TEX14: variants seen among roughly 807,000 people sequenced by gnomAD.
TEX14 encodes the protein inactive serine/threonine-protein kinase TEX14.
In TEX14, 168 loss-of-function variants were observed where a neutral mutation model predicts 178.6. That is an observed-to-expected ratio of 0.94 (90% CI 0.83 to 1.07). TEX14 has a LOEUF of 1.07. Among genes scored for constraint, TEX14 ranks in the 50% least tolerant of loss-of-function variants. The probability of loss-of-function intolerance (pLI) is 0.00; values close to 1 mark genes in which losing one functional copy is unlikely to be tolerated. For missense variants in TEX14, 1,730 were observed against 1,753.6 expected (o/e 0.99, Z 0.24); for synonymous variants, 626 against 634.1 (o/e 0.99, Z 0.19).
At chr17:58,656,770 A>G (rs1269854542) in intron 1 of TEX14, among the ~76,000 whole-genome samples, 2 of 151,184 alleles carry the variant, frequency 1.3e-5, no homozygotes, top group East Asian at 3.9e-4. Flanking sequence ...AAAAAAGAAA[A>G]AAATTGGCCA....
chr17:58,606,830 C>G (rs2045618473), intron 10 of TEX14, among the ~76,000 whole-genome samples: 1 of 151,512 alleles, frequency 6.6e-6, no homozygotes, highest in African/African-American at 2.4e-5. Context: ...GAATTCAAGA[C>G]CAGCCTGGCC....
At chr17:58,683,047 T>C (rs552896946) in intron 1 of TEX14, among the ~76,000 whole-genome samples, 320 of 131,058 alleles carry the variant, frequency 2.4e-3, no homozygotes, top group African/African-American at 9.0e-3. Context: ...TGCGAGAGTC[T>C]GTCTCAAAAA....
Position 58,617,577 on chromosome 17 carries a change from G to A in TEX14, c.597C>T (p.Val199=), listed in dbSNP as rs765025410. The A allele has an allele frequency of 5.6e-6, 9 of 1,613,724 alleles. No homozygotes were observed. Among genetic ancestry groups the A allele is most frequent in the Non-Finnish European group, 7.6e-6 (9 of 1,179,886 alleles). Residue 199 remains valine (V), a synonymous_variant, in exon 6 of 32, where the codon GTC becomes GTT. Transcript: ENST00000349033. ...GSPNRLLKAG[V]ISAQNIYSFG... ...AGCTGTAGATATTTTGAGCAGAAAT[G>A]ACTCCAGCTTTAAGCAGTCGGTTAG...
At chr17:58,648,455 A>G (rs1310525705) in intron 2 of TEX14, among the ~76,000 whole-genome samples, 1 of 152,042 alleles carries the variant, frequency 6.6e-6, no homozygotes, top group Non-Finnish European at 1.5e-5. Context: ...CTAGCCTCCT[A>G]TGCTCACCAA....
In TEX14 at chr17:58,661,480, G is replaced by T. The variant is rs147195594; in HGVS notation, c.-1-9478C>A. ...CGAGGCCCTTGAACACCTTTTCCTG[G>T]ACTATTCGGGAACCGGTGGGTTCAG... On this transcript the variant is annotated intron_variant, in intron 1 of 31. Transcript: ENST00000349033. 1.5e-3 allele frequency: 1,136 copies of T among 781,556 alleles called. 3 individuals are homozygous for T. The African/African-American group carries it at 0.017, about 12-fold the overall frequency. 48.4% of individuals were successfully genotyped at this position (781,556 alleles called of 1,614,324 possible).
intron 1 of TEX14, among the ~76,000 whole-genome samples, chr17:58,658,539 GCCA>G (rs954566061): frequency 7.4e-6 from 1 of 134,734 alleles, no homozygotes; most frequent in African/African-American, 2.9e-5. Flanking sequence ...ACAGATGTGC[GCCA>G]CCATGCCTGG....
At position 58,616,198 on chromosome 17, in the gene TEX14, G is replaced by T; in HGVS notation, c.744C>A (p.Ser248Arg). ...ACTTGGTCATGACCATGTAGGGGCC[G>T]CTGAAGAAAGAGAAGGTGGGCTCAT... is the stretch of plus-strand genomic sequence containing the variant. ...ADDEPTFSFF[S>R]GPYMVMTNLV... Residue 248 changes from serine (S) to arginine (R), a missense_variant, in exon 7 of 32, where the codon AGC becomes AGA. Coordinates refer to ENST00000349033, the MANE Select transcript of TEX14 (RefSeq NM_031272.5). The T allele has an allele frequency of 4.3e-6, 7 of 1,613,620 alleles. No homozygotes were observed. The highest frequency in any genetic ancestry group is 1.1e-5 in the South Asian group (1 of 90,998).
chr17:58,668,176 T>C (rs916745263), intron 1 of TEX14, among the ~76,000 whole-genome samples: 1 of 152,206 alleles, frequency 6.6e-6, no homozygotes, highest in Non-Finnish European at 1.5e-5. Context: ...TGTTTCCTCT[T>C]GGTAATTTTC....
intron 1 of TEX14, among the ~76,000 whole-genome samples, chr17:58,691,708 T>C (rs936176422): frequency 1.3e-5 from 2 of 148,198 alleles, no homozygotes; most frequent in African/African-American, 5.0e-5. Flanking sequence ...AGGGAATAAG[T>C]TACCCCCTGC....
At chr17:58,637,483 G>A (rs1050336321) in intron 2 of TEX14, among the ~76,000 whole-genome samples, 1 of 152,202 alleles carries the variant, frequency 6.6e-6, no homozygotes, top group Non-Finnish European at 1.5e-5. Context: ...GAGAGGGGCT[G>A]AAGGTTAAAT....
At chr17:58,650,049 ATTTTTGTTTTTG>A (rs1189336456) in intron 2 of TEX14, among the ~76,000 whole-genome samples, 2 of 141,540 alleles carry the variant, frequency 1.4e-5, no homozygotes, top group Non-Finnish European at 3.1e-5. Context: ...CCAGAGTTTT[ATTTTTGTTTTTG>A]TTTTTGTTTT....
At chr17:58,690,231 A>G (rs761968849) in intron 1 of TEX14, among the ~76,000 whole-genome samples, 8 of 151,572 alleles carry the variant, frequency 5.3e-5, no homozygotes, top group Non-Finnish European at 1.0e-4. Context: ...GAGTTACGCA[A>G]TCTCAGCTCA....
intron 3 of TEX14, among the ~76,000 whole-genome samples, chr17:58,627,338 T>C (rs1323596351): frequency 6.6e-6 from 1 of 152,240 alleles, no homozygotes; most frequent in African/African-American, 2.4e-5. Context: ...TTTTTATCTG[T>C]ATTTTTTTAT....
At chr17:58,625,648 C>A (rs1161859988) in intron 3 of TEX14, among the ~76,000 whole-genome samples, 1 of 149,046 alleles carries the variant, frequency 6.7e-6, no homozygotes, top group Admixed American at 6.6e-5. Context: ...GGAGTCTCTG[C>A]CTAGCCAACT....
chr17:58,663,370 C>T (rs1470813774), intron 1 of TEX14, among the ~76,000 whole-genome samples: 5 of 145,550 alleles, frequency 3.4e-5, no homozygotes, highest in East Asian at 4.0e-4. Flanking sequence ...TGCAGTAAGC[C>T]GAGATCACAC....
chr17:58,613,323 T>G, intron 9 of TEX14, 98 bp downstream of exon 9: 1 of 1,431,426 alleles, frequency 7.0e-7, no homozygotes. Context: ...TTATCTTCCA[T>G]GCATGCAGAA....
intron 2 of TEX14, chr17:58,631,759 C>G (rs549999859): frequency 4.6e-5 from 7 of 152,118 alleles, no homozygotes; most frequent in South Asian, 2.1e-4. Flanking sequence ...CTCCCTCTCG[C>G]GGTTTCCAGC....
At chr17:58,564,454 T>A (rs2044354194) in intron 28 of TEX14, among the ~76,000 whole-genome samples, 1 of 152,190 alleles carries the variant, frequency 6.6e-6, no homozygotes, top group Non-Finnish European at 1.5e-5. Context: ...ATGTAAAGTA[T>A]CAACAGTAGT....
Position 58,577,506 on chromosome 17 carries a change from C to T in TEX14, c.3239-50G>A, listed in dbSNP as rs537704979. On this transcript the variant is annotated intron_variant, in intron 20 of 31. Transcript: ENST00000349033. ...ATATATATATTTTTTTTTACTGAAT[C>T]TTTGTCAACCCAAATTATTGTCACC... 65 of 622,832 alleles carry T rather than the reference C, an allele frequency of 1.0e-4. No individual in the cohort carries two copies. In the African/African-American group the frequency reaches 1.1e-3, roughly 11 times the overall value. 38.6% of individuals were successfully genotyped at this position (622,832 alleles called of 1,614,324 possible). A position where few individuals can be genotyped will look rare whatever the true frequency, so the allele number is the denominator to read the frequency against.
Sources: gnomAD v4.1 joint callset for allele counts (sites outside exome capture counted in the v4.1 genomes callset) on GRCh38, gnomAD v4.1.1 for gene constraint, MANE v1.5 for transcripts, NCBI Gene and HGNC (gene_info 2026-07-23, HGNC 2026-07-21) for gene names.